The following NSD3 variants were observed in gnomAD, a reference collection of about 807,000 sequenced individuals.
The protein encoded by NSD3 is nuclear receptor binding SET domain protein 3, also known as histone-lysine N-methyltransferase NSD3.
NSD3 carries 24 observed loss-of-function variants against 160.8 expected under a neutral mutation model. That is an observed-to-expected ratio of 0.15 (90% CI 0.11 to 0.21). The LOEUF is 0.21. Ranked by LOEUF, NSD3 falls within the 10% of genes least tolerant of loss-of-function variation. NSD3 has a pLI of 1.00. For missense variants in NSD3, 1,157 were observed against 1,735.9 expected (o/e 0.67, Z 5.93); for synonymous variants, 520 against 600.0 (o/e 0.87, Z 1.95).
chr8:38,363,212 G>A (rs1811027632), intron 1 of NSD3, among the ~76,000 whole-genome samples: 1 of 152,216 alleles, frequency 6.6e-6, no homozygotes, highest in Non-Finnish European at 1.5e-5. Context: ...CATAGGAATG[G>A]CAGCAAACAC....
intron 8 of NSD3, chr8:38,320,042 G>C (rs553726305): frequency 1.3e-5 from 2 of 152,144 alleles, no homozygotes; most frequent in Non-Finnish European, 2.9e-5. Context: ...CAAGAGCTTA[G>C]AAAGATTTTT....
At position 38,317,985 on chromosome 8, in the gene NSD3, A is replaced by C. The variant is rs1398919222; in HGVS notation, c.1855+910T>G. 1.2e-6 allele frequency: 2 copies of C among 1,614,220 alleles called. No individual in the cohort carries two copies. The highest frequency in any genetic ancestry group is 1.7e-6 in the Non-Finnish European group (2 of 1,180,046). Reference sequence around the variant, plus strand: ...TCCACAGTTTCCTCAATCGCTGCGGAGACGGAGCTGTCACTGAATCTGACA... The same window carrying C: ...TCCACAGTTTCCTCAATCGCTGCGGCGACGGAGCTGTCACTGAATCTGACA... On this transcript the variant is annotated intron_variant, in intron 9 of 23. Coordinates refer to ENST00000317025, the MANE Select transcript of NSD3 (RefSeq NM_023034.2). The surrounding 1 kb of genome is among the most constrained non-coding windows in gnomAD (Gnocchi z 5.3).
rs1809709948 is a variant in NSD3 at position 38,317,984 on chromosome 8, G to A, written c.1855+911C>T. 6.2e-7 allele frequency: 1 copy of A among 1,614,188 alleles called. No homozygotes were observed. Among genetic ancestry groups the A allele is most frequent in the South Asian group, 1.1e-5 (1 of 91,084 alleles). On this transcript the variant is annotated intron_variant, in intron 9 of 23. Transcript: ENST00000317025. The surrounding 1 kb of genome is among the most constrained non-coding windows in gnomAD (Gnocchi z 5.3). ...GTCCACAGTTTCCTCAATCGCTGCG[G>A]AGACGGAGCTGTCACTGAATCTGAC...
At position 38,270,472 on chromosome 8, in the gene NSD3, C is replaced by T. The variant is rs1032656840; in HGVS notation, c.*5169G>A. 2 of 152,224 alleles carry T rather than the reference C, an allele frequency of 1.3e-5. No homozygotes were observed. Among genetic ancestry groups the T allele is most frequent in the African/African-American group, 4.8e-5 (2 of 41,446 alleles). The allele number at this position is 152,224 out of a possible 1,614,324, so 9.4% of individuals were successfully genotyped here. A position where few individuals can be genotyped will look rare whatever the true frequency, so the allele number is the denominator to read the frequency against. ...AATGATATTAGCCAGTTGTAATACT[C>T]ATTTAGCATCTTGATTATTAGTGGC... On this transcript the variant is annotated 3_prime_UTR_variant, in exon 24 of 24. Transcript: ENST00000317025.
rs765644746 is a variant in NSD3 at position 38,281,509 on chromosome 8, G to A, written c.3576C>T (p.His1192=). ...TATAAAAATTAGTTACACTGTTCTC[G>A]TGGGCTCGCTTGATTCGCAATCTGC... The part of the protein sequence containing the change: ...EECRLRIKRA[H]ENSVTNFYML... Residue 1192 remains histidine (H), a synonymous_variant, in exon 20 of 24, where the codon CAC becomes CAT. Transcript: ENST00000317025. 2.5e-6 allele frequency: 4 copies of A among 1,598,020 alleles called. No individual in the cohort carries two copies. The highest frequency in any genetic ancestry group is 1.1e-5 in the South Asian group (1 of 88,440).
Position 38,318,818 on chromosome 8 carries a change from A to C in NSD3, c.1855+77T>G. ...CAACGATTTACAGAGACAGACAAAA[A>C]TACATGAAGTACAAATAATTCTTAA... On this transcript the variant is annotated intron_variant, in intron 9 of 23. Coordinates refer to ENST00000317025, the MANE Select transcript of NSD3 (RefSeq NM_023034.2). This position sits in a 1 kb window ranked among gnomAD's most constrained non-coding sequence, Gnocchi z 5.3. The C allele has an allele frequency of 1.4e-6, 2 of 1,394,926 alleles. No individual in the cohort carries two copies. The highest frequency in any genetic ancestry group is 2.3e-5 in the East Asian group (1 of 43,650). 86.4% of individuals were successfully genotyped at this position (1,394,926 alleles called of 1,614,324 possible).
chr8:38,271,390 A>G lies in NSD3; in HGVS notation c.*4251T>C, dbSNP rs1414089417. ...AAAGTGACTATTTCGTACCTGTGGT[A>G]AACATTATCCCCCCCCTTACCCTTT... On this transcript the variant is annotated 3_prime_UTR_variant, in exon 24 of 24. Coordinates refer to ENST00000317025, the MANE Select transcript of NSD3 (RefSeq NM_023034.2). 1 of 152,052 alleles carries G rather than the reference A, an allele frequency of 6.6e-6. No homozygotes were observed. The highest frequency in any genetic ancestry group is 1.9e-4 in the East Asian group (1 of 5,190). The allele number at this position is 152,052 out of a possible 1,614,324, so 9.4% of individuals were successfully genotyped here.
At chr8:38,335,912 C>T (rs964520200) in intron 4 of NSD3, 2 of 152,246 alleles carry the variant, frequency 1.3e-5, no homozygotes, top group African/African-American at 4.8e-5. Context: ...TGCACTAAAG[C>T]AGACACCCAA....
chr8:38,318,446 T>C lies in NSD3; in HGVS notation c.1855+449A>G, dbSNP rs1045850117. Among the ~76,000 whole-genome samples, 1 of 152,230 alleles carries C rather than the reference T, an allele frequency of 6.6e-6. No homozygotes were observed. The highest frequency in any genetic ancestry group is 2.4e-5 in the African/African-American group (1 of 41,464). Reference sequence around the variant, plus strand: ...ATAAATGCTATGAATCATTTTAATTTACAAAAAGATTTTACAGCACTGTAA... The same window carrying C: ...ATAAATGCTATGAATCATTTTAATTCACAAAAAGATTTTACAGCACTGTAA... On this transcript the variant is annotated intron_variant, in intron 9 of 23. Transcript: ENST00000317025. This position sits in a 1 kb window ranked among gnomAD's most constrained non-coding sequence, Gnocchi z 5.3.
At chr8:38,376,161 CTTATT>C (rs1248682344) in intron 1 of NSD3, among the ~76,000 whole-genome samples, 1 of 152,004 alleles carries the variant, frequency 6.6e-6, no homozygotes, top group African/African-American at 2.4e-5. Context: ...TCATCGCTAT[CTTATT>C]TTATTGATAA....
chr8:38,322,446 T>C (rs1440876727), intron 7 of NSD3, among the ~76,000 whole-genome samples: 1 of 152,202 alleles, frequency 6.6e-6, no homozygotes, highest in East Asian at 1.9e-4. Context: ...GATCCATACT[T>C]TAGTATTAAA....
At chr8:38,315,341 C>T (rs977266243) in intron 11 of NSD3, 75 bp downstream of exon 11, 1 of 1,431,548 alleles carries the variant, frequency 7.0e-7, no homozygotes, top group Admixed American at 2.6e-5. Context: ...TTATCCTCTT[C>T]AACAGGAGTT....
chr8:38,370,411 C>T (rs1256420921), intron 1 of NSD3, among the ~76,000 whole-genome samples: 1 of 147,120 alleles, frequency 6.8e-6, no homozygotes, highest in Non-Finnish European at 1.5e-5. Flanking sequence ...GACAGAGTCT[C>T]GCTCTGTCGC....
At chr8:38,305,561 G>A in intron 12 of NSD3, 116 bp from the exon 13 acceptor site, 1 of 858,582 alleles carries the variant, frequency 1.2e-6, no homozygotes, top group South Asian at 2.5e-5. Context: ...CTATACTTAA[G>A]AATTTAATGC....
At chr8:38,311,246 C>T (rs2131016558) in intron 12 of NSD3, among the ~76,000 whole-genome samples, 1 of 152,134 alleles carries the variant, frequency 6.6e-6, no homozygotes, top group African/African-American at 2.4e-5. Context: ...AGCATATTTT[C>T]ATATGTATAT....
Position 38,318,862 on chromosome 8 carries a change from G to A in NSD3, c.1855+33C>T, listed in dbSNP as rs1450465084. ...TTCTTAAAAATTGGTTTTAATCAAG[G>A]AAATGCAAAGCAACATTATAATATT... On this transcript the variant is annotated intron_variant, in intron 9 of 23. Transcript: ENST00000317025. The surrounding 1 kb of genome is among the most constrained non-coding windows in gnomAD (Gnocchi z 5.3). 1 of 1,591,816 alleles carries A rather than the reference G, an allele frequency of 6.3e-7. No individual in the cohort carries two copies. Among genetic ancestry groups the A allele is most frequent in the Non-Finnish European group, 8.6e-7 (1 of 1,169,588 alleles).
At chr8:38,363,402 G>GGGA (rs1361520906) in intron 1 of NSD3, among the ~76,000 whole-genome samples, 1 of 152,152 alleles carries the variant, frequency 6.6e-6, no homozygotes, top group African/African-American at 2.4e-5. Context: ...CCAGCACTTT[G>GGGA]GGAGGCAGAG....
intron 2 of NSD3, among the ~76,000 whole-genome samples, chr8:38,346,093 G>C (rs1016575625): frequency 6.6e-6 from 1 of 151,132 alleles, no homozygotes; most frequent in African/African-American, 2.4e-5. Context: ...TCATTACCCA[G>C]TTTTATTGTC....
chr8:38,320,973 C>A (rs1466056235), intron 8 of NSD3, 99 bp downstream of exon 8: 3 of 1,165,844 alleles, frequency 2.6e-6, no homozygotes, highest in Non-Finnish European at 3.8e-6. Flanking sequence ...AGAAAGGAAA[C>A]TCAGTGTGGG....
Sources: allele counts gnomAD v4.1 joint callset (sites outside exome capture counted in the v4.1 genomes callset), GRCh38; gene constraint gnomAD v4.1.1; non-coding constraint Gnocchi (gnomAD v3.1); transcripts MANE v1.5; gene names NCBI Gene and HGNC (gene_info 2026-07-23, HGNC 2026-07-21).